The following GRM8 variants were observed in gnomAD, a reference collection of about 807,000 sequenced individuals.
The protein encoded by GRM8 is glutamate metabotropic receptor 8.
A neutral mutation model predicts 87.2 loss-of-function variants in GRM8; 47 were observed. That is an observed-to-expected ratio of 0.54 (90% CI 0.43 to 0.69). The LOEUF is 0.69. GRM8 is among the 30% of genes least tolerant of loss of function. The probability of loss-of-function intolerance (pLI) is 0.00; values close to 1 mark genes in which losing one functional copy is unlikely to be tolerated. For missense variants in GRM8, 1,019 were observed against 1,139.2 expected (o/e 0.89, Z 1.52); for synonymous variants, 396 against 404.5 (o/e 0.98, Z 0.25).
chr7:127,177,423 C>A (rs143662143), intron 2 of GRM8, among the ~76,000 whole-genome samples: 2 of 152,342 alleles, frequency 1.3e-5, no homozygotes, highest in East Asian at 3.9e-4. Flanking sequence ...ACCCTGGAAA[C>A]AGAAGACAAA....
At chr7:126,701,979 A>G (rs1809983676) in intron 7 of GRM8, among the ~76,000 whole-genome samples, 1 of 152,218 alleles carries the variant, frequency 6.6e-6, no homozygotes, top group Non-Finnish European at 1.5e-5. Context: ...CCCTATTTGA[A>G]CAACAAGTTA....
At position 127,041,454 on chromosome 7, in the gene GRM8, A is replaced by C. The variant is rs193248958; in HGVS notation, c.727+65042T>G. Among the ~76,000 whole-genome samples, 9 of 152,362 alleles carry C rather than the reference A, an allele frequency of 5.9e-5. No homozygotes were observed. In the East Asian group the frequency reaches 1.5e-3, roughly 26 times the overall value. On this transcript the variant is annotated intron_variant, in intron 3 of 10. Transcript: ENST00000339582. The stretch of plus-strand genomic sequence containing the variant: ...AGAAGTTTCCATTCACTCATTAATT[A>C]ATTCATTCATTTAGAGCCAATGATC...
At chr7:126,776,197 G>C (rs1361946671) in intron 6 of GRM8, among the ~76,000 whole-genome samples, 2 of 152,114 alleles carry the variant, frequency 1.3e-5, no homozygotes, top group Non-Finnish European at 2.9e-5. Flanking sequence ...AGCAAGCATA[G>C]GTTGAAGGTA....
intron 6 of GRM8, among the ~76,000 whole-genome samples, chr7:126,790,267 C>T (rs867337996): frequency 6.6e-6 from 1 of 152,140 alleles, no homozygotes; most frequent in African/African-American, 2.4e-5. Flanking sequence ...CTCAGCCTCC[C>T]GAAGTGCTGG....
chr7:126,589,611 A>G (rs888239289), intron 8 of GRM8, among the ~76,000 whole-genome samples: 1 of 152,142 alleles, frequency 6.6e-6, no homozygotes, highest in Non-Finnish European at 1.5e-5. Context: ...GATCTTCCCT[A>G]TACTACCACG....
intron 7 of GRM8, among the ~76,000 whole-genome samples, chr7:126,681,927 G>T (rs1215529391): frequency 6.6e-6 from 1 of 151,896 alleles, no homozygotes; most frequent in Non-Finnish European, 1.5e-5. Flanking sequence ...AATTATCATG[G>T]GTAATTCCTC....
At chr7:126,580,280 A>G (rs964347745) in intron 8 of GRM8, among the ~76,000 whole-genome samples, 26 of 152,020 alleles carry the variant, frequency 1.7e-4, no homozygotes, top group Non-Finnish European at 4.4e-5. Context: ...TTTAAATAGG[A>G]CTTCTATGAT....
intron 6 of GRM8, among the ~76,000 whole-genome samples, chr7:126,782,702 A>G (rs7801979): frequency 6.6e-6 from 1 of 152,156 alleles, no homozygotes; most frequent in Non-Finnish European, 1.5e-5. Flanking sequence ...ATAAAGGCCC[A>G]TAAGTGCCTG....
At chr7:127,211,013 A>G (rs1331512849) in intron 2 of GRM8, among the ~76,000 whole-genome samples, 5 of 152,210 alleles carry the variant, frequency 3.3e-5, no homozygotes, top group Non-Finnish European at 7.3e-5. Context: ...CATGGCCTGA[A>G]TCTTCATGTC....
intron 2 of GRM8, among the ~76,000 whole-genome samples, chr7:127,119,551 A>G (rs1230467630): frequency 2.6e-5 from 4 of 152,012 alleles, no homozygotes; most frequent in African/African-American, 7.2e-5. Flanking sequence ...AAAGAAAGAA[A>G]AAAGAAAAGA....
intron 7 of GRM8, among the ~76,000 whole-genome samples, chr7:126,651,099 G>C (rs909294921): frequency 6.6e-6 from 1 of 152,158 alleles, no homozygotes; most frequent in Non-Finnish European, 1.5e-5. Context: ...ATGTACTCCA[G>C]ATATGAGTTT....
At position 127,038,439 on chromosome 7, in the gene GRM8, A is replaced by C. The variant is rs552193003; in HGVS notation, c.727+68057T>G. On this transcript the variant is annotated intron_variant, in intron 3 of 10. Coordinates refer to ENST00000339582, the MANE Select transcript of GRM8 (RefSeq NM_000845.3). The stretch of plus-strand genomic sequence containing the variant: ...AAAATATAGCATATAAATTTGGTGA[A>C]AGGACATTCCAGTCCAGGCAGAAAA... Among the ~76,000 whole-genome samples the C allele has an allele frequency of 6.6e-5, 10 of 152,322 alleles. No individual in the cohort carries two copies. The East Asian group carries it at 1.5e-3, about 23-fold the overall frequency.
chr7:126,588,430 G>A (rs1429718290), intron 8 of GRM8, among the ~76,000 whole-genome samples: 2 of 152,092 alleles, frequency 1.3e-5, no homozygotes, highest in South Asian at 2.1e-4. Flanking sequence ...ACTACCATTC[G>A]ACCCAGCAAT....
intron 3 of GRM8, among the ~76,000 whole-genome samples, chr7:126,996,084 C>T (rs922564068): frequency 3.3e-5 from 5 of 151,992 alleles, no homozygotes; most frequent in African/African-American, 1.2e-4. Context: ...ACGTTTTACC[C>T]TGGAATAGTA....
chr7:126,576,269 T>C (rs1795106949), intron 8 of GRM8, among the ~76,000 whole-genome samples: 1 of 152,146 alleles, frequency 6.6e-6, no homozygotes, highest in Non-Finnish European at 1.5e-5. Context: ...ACTTTTTGTA[T>C]TGTTCTGTTT....
chr7:126,555,768 G>C (rs183413865), intron 8 of GRM8, among the ~76,000 whole-genome samples: 1 of 152,276 alleles, frequency 6.6e-6, no homozygotes, highest in African/African-American at 2.4e-5. Flanking sequence ...AGATGCAAAT[G>C]CTCACTTTAT....
chr7:126,988,993 G>T (rs1812376427), intron 3 of GRM8, among the ~76,000 whole-genome samples: 2 of 152,158 alleles, frequency 1.3e-5, no homozygotes, highest in Non-Finnish European at 2.9e-5. Context: ...TCCTGGCACA[G>T]ACTATGCATT....
At chr7:126,703,665 C>A (rs1009176439) in intron 7 of GRM8, among the ~76,000 whole-genome samples, 3 of 152,114 alleles carry the variant, frequency 2.0e-5, no homozygotes, top group Non-Finnish European at 2.9e-5. Flanking sequence ...CCTTGAGCGA[C>A]CCTCTTGCCT....
intron 2 of GRM8, among the ~76,000 whole-genome samples, chr7:127,181,834 A>G (rs1794454803): frequency 6.6e-6 from 1 of 152,164 alleles, no homozygotes; most frequent in Non-Finnish European, 1.5e-5. Flanking sequence ...ACGTTATACA[A>G]AAATCAACTC....
Sources: gnomAD v4.1 joint callset for allele counts (sites outside exome capture counted in the v4.1 genomes callset) on GRCh38, gnomAD v4.1.1 for gene constraint, MANE v1.5 for transcripts, NCBI Gene and HGNC (gene_info 2026-07-23, HGNC 2026-07-21) for gene names.